DHRS7B: variants seen among roughly 807,000 people sequenced by gnomAD.
The protein encoded by DHRS7B is dehydrogenase/reductase 7B.
In DHRS7B, 24 loss-of-function variants were observed where a neutral mutation model predicts 26.4. The observed-to-expected ratio is 0.91, with a 90% confidence interval of 0.66 to 1.28. DHRS7B has a LOEUF of 1.28. DHRS7B is among the 50% of genes most tolerant of loss of function. DHRS7B has a pLI of 0.00. For synonymous variants in DHRS7B, 142 were observed against 166.4 expected, an observed-to-expected ratio of 0.85 and a Z score of 1.13; for missense variants, 368 against 419.4, an observed-to-expected ratio of 0.88 and a Z score of 1.07.
chr17:21,168,092 A>G (rs1050199513), intron 1 of DHRS7B, among the ~76,000 whole-genome samples: 1 of 152,168 alleles, frequency 6.6e-6, no homozygotes, highest in African/African-American at 2.4e-5. Context: ...CCTGACTTCC[A>G]AAGACAAGCT....
At chr17:21,143,604 C>T (rs1973575204) in intron 1 of DHRS7B, among the ~76,000 whole-genome samples, 2 of 152,210 alleles carry the variant, frequency 1.3e-5, no homozygotes, top group African/African-American at 4.8e-5. Context: ...CATAGTTCCT[C>T]TCTCCCTATC....
intron 1 of DHRS7B, among the ~76,000 whole-genome samples, chr17:21,148,828 A>C (rs1394205450): frequency 6.6e-6 from 1 of 152,176 alleles, no homozygotes; most frequent in Non-Finnish European, 1.5e-5. Context: ...GATGTAGAAA[A>C]CTACCTGAAA....
chr17:21,137,881 G>A (rs112561916), intron 1 of DHRS7B, among the ~76,000 whole-genome samples: 6 of 141,720 alleles, frequency 4.2e-5, no homozygotes, highest in South Asian at 4.5e-4. Flanking sequence ...TACAGCCACC[G>A]CACCCAGCCT....
intron 2 of DHRS7B, among the ~76,000 whole-genome samples, chr17:21,175,970 A>G (rs1820777063): frequency 6.6e-6 from 1 of 150,950 alleles, no homozygotes; most frequent in Admixed American, 6.6e-5. Flanking sequence ...TTCAGTTTTC[A>G]TCATCAGTTT....
chr17:21,170,488 G>T (rs1974215901), intron 1 of DHRS7B, among the ~76,000 whole-genome samples: 1 of 152,208 alleles, frequency 6.6e-6, no homozygotes, highest in Non-Finnish European at 1.5e-5. Context: ...GCATAGTGTA[G>T]GGCAAGAGGG....
At chr17:21,174,983 T>C (rs1051167061) in intron 2 of DHRS7B, among the ~76,000 whole-genome samples, 2 of 152,182 alleles carry the variant, frequency 1.3e-5, no homozygotes, top group Non-Finnish European at 2.9e-5. Flanking sequence ...GGGTGGGTGC[T>C]CTCTCCGGGC....
chr17:21,140,535 C>CACACACACACACACCCTG (rs1555536404), intron 1 of DHRS7B, among the ~76,000 whole-genome samples: 1 of 149,650 alleles, frequency 6.7e-6, no homozygotes, highest in Non-Finnish European at 1.5e-5. Flanking sequence ...CACACACACA[C>CACACACACACACACCCTG]ACACCCTGAC....
Position 21,184,482 on chromosome 17 carries a change from C to T in DHRS7B, c.619+19C>T. 6.3e-7 allele frequency: 1 copy of T among 1,599,930 alleles called. No homozygotes were observed. Among genetic ancestry groups the T allele is most frequent in the Non-Finnish European group, 8.5e-7 (1 of 1,171,036 alleles). On this transcript the variant is annotated intron_variant, in intron 5 of 6. Coordinates refer to ENST00000395511, the MANE Select transcript of DHRS7B (RefSeq NM_015510.5). ...TCAGCATGTGAGTACTTCTCTCTCC[C>T]ACAAAATGCTTGGCTTTATTGTTTT...
intron 1 of DHRS7B, among the ~76,000 whole-genome samples, chr17:21,163,203 A>AAC (rs1441099914): frequency 6.6e-6 from 1 of 151,406 alleles, no homozygotes; most frequent in Non-Finnish European, 1.5e-5. Flanking sequence ...CAAAAAAAAA[A>AAC]CCAAAAAAAA....
At chr17:21,135,498 C>T (rs995319308) in intron 1 of DHRS7B, among the ~76,000 whole-genome samples, 9 of 152,060 alleles carry the variant, frequency 5.9e-5, no homozygotes, top group Non-Finnish European at 1.3e-4. Flanking sequence ...ATAAGTCATC[C>T]ATTTAACCAA....
intron 3 of DHRS7B, among the ~76,000 whole-genome samples, chr17:21,179,962 C>A (rs1282183614): frequency 6.6e-6 from 1 of 150,888 alleles, no homozygotes; most frequent in African/African-American, 2.4e-5. Flanking sequence ...GACGGGGCTT[C>A]TCCATATTGG....
At chr17:21,175,578 T>C (rs1567627461) in intron 2 of DHRS7B, among the ~76,000 whole-genome samples, 1 of 152,226 alleles carries the variant, frequency 6.6e-6, no homozygotes, top group Non-Finnish European at 1.5e-5. Context: ...CAAGGTATCC[T>C]GTGCAGATCT....
chr17:21,146,361 A>G (rs1973643750), intron 1 of DHRS7B, among the ~76,000 whole-genome samples: 1 of 152,230 alleles, frequency 6.6e-6, no homozygotes, highest in African/African-American at 2.4e-5. Flanking sequence ...AGATCACACT[A>G]CTGCACTCCA....
intron 6 of DHRS7B, 139 bp downstream of exon 6, chr17:21,189,002 TTGGTTCTAGATA>T: frequency 8.6e-7 from 1 of 1,162,826 alleles, no homozygotes; most frequent in South Asian, 1.4e-5. Context: ...GACAGAGGTG[TTGGTTCTAGATA>T]TGGACTATTG....
chr17:21,155,160 A>G (rs1973852303), intron 1 of DHRS7B, among the ~76,000 whole-genome samples: 1 of 152,264 alleles, frequency 6.6e-6, no homozygotes, highest in African/African-American at 2.4e-5. Context: ...TTTAAATGTC[A>G]GTGGTTTTGT....
At chr17:21,159,207 A>G (rs1437501482) in intron 1 of DHRS7B, among the ~76,000 whole-genome samples, 1 of 152,014 alleles carries the variant, frequency 6.6e-6, no homozygotes, top group African/African-American at 2.4e-5. Flanking sequence ...GAATGAGAAG[A>G]CAAACCACAG....
chr17:21,156,054 T>C (rs1973872031), intron 1 of DHRS7B, among the ~76,000 whole-genome samples: 1 of 151,864 alleles, frequency 6.6e-6, no homozygotes, highest in South Asian at 2.1e-4. Context: ...TTTAGGCAAC[T>C]AGAAAAAGAA....
At position 21,140,022 on chromosome 17, in the gene DHRS7B, C is replaced by CTTTTTTTTTTTTTTTT. The variant is rs201900387; in HGVS notation, c.20+13036_20+13051dup. Among the ~76,000 whole-genome samples, 8 of 106,692 alleles carry CTTTTTTTTTTTTTTTT rather than the reference C, an allele frequency of 7.5e-5. 1 individual carries two copies. The highest frequency in any genetic ancestry group is 1.3e-4 in the Non-Finnish European group (7 of 54,608). 70.0% of individuals were successfully genotyped at this position (106,692 alleles called of 152,430 possible). ...TTTTTTCCTATCAGACTTTCAGATTCTTTTTTTTTTTTTTTTTTTTGAGAC... is the reference window on the plus strand; with the variant it reads ...TTTTTTCCTATCAGACTTTCAGATTCTTTTTTTTTTTTTTTTTTTTTTTTTTTTTTTTTTTTGAGAC... On this transcript the variant is annotated intron_variant, in intron 1 of 6. Coordinates refer to ENST00000395511, the MANE Select transcript of DHRS7B (RefSeq NM_015510.5).
intron 1 of DHRS7B, among the ~76,000 whole-genome samples, chr17:21,130,440 G>A (rs189376905): frequency 2.5e-3 from 374 of 152,198 alleles, no homozygotes; most frequent in African/African-American, 8.6e-3. Flanking sequence ...ATGTACGTAC[G>A]TTTGTAAAGG....
Sources: gnomAD v4.1 joint callset for allele counts (sites outside exome capture counted in the v4.1 genomes callset) on GRCh38, gnomAD v4.1.1 for gene constraint, MANE v1.5 for transcripts, NCBI Gene and HGNC (gene_info 2026-07-23, HGNC 2026-07-21) for gene names.